CHD8: variants seen among roughly 807,000 people sequenced by gnomAD.
CHD8 encodes ATP-dependent chromatin remodeler CHD8.
CHD8 carries 31 observed loss-of-function variants against 279.2 expected under a neutral mutation model. That is an observed-to-expected ratio of 0.11 (90% CI 0.08 to 0.15). CHD8 has a LOEUF of 0.15. Among genes scored for constraint, CHD8 ranks in the 10% least tolerant of loss-of-function variants. The pLI, the probability that CHD8 is intolerant of heterozygous loss-of-function variation, is 1.00. For synonymous variants in CHD8, 1,081 were observed against 1,139.6 expected (o/e 0.95, Z 1.04); for missense variants, 2,146 against 3,230.5 (o/e 0.66, Z 8.14).
chr14:21,446,319 T>TC (rs202209075), intron 1 of CHD8, among the ~76,000 whole-genome samples: 42 of 147,532 alleles, frequency 2.8e-4, no homozygotes, highest in East Asian at 7.8e-4. Flanking sequence ...TTCTTCTTCT[T>TC]TTTTTTTTTT....
In CHD8 at chr14:21,385,852, G is replaced by C. The variant is rs1255694014; in HGVS notation, c.7507C>G (p.His2503Asp). Residue 2503 changes from histidine (H) to aspartate (D), a missense_variant, in exon 38 of 38, where the codon CAT becomes GAT. Around this residue, in one of 26 missense-constraint regions of CHD8, gnomAD observed 336 missense variants for 392.9 expected, o/e 0.86. Coordinates refer to ENST00000646647, the MANE Select transcript of CHD8 (RefSeq NM_001170629.2). ...AAGCCTGGATGGTGATGGTGGTGAT[G>C]GTGGGGGTGGGGGTGGTGGTGGTGG... ...HHHHHHPHPH[H>D]HHHHHPGLRA... 1 of 1,545,852 alleles carries C rather than the reference G, an allele frequency of 6.5e-7. No homozygotes were observed. The highest frequency in any genetic ancestry group is 1.4e-5 in the African/African-American group (1 of 72,742).
chr14:21,428,120 G>A lies in CHD8; in HGVS notation c.1350C>T (p.Arg450=). 1.2e-6 allele frequency: 2 copies of A among 1,613,988 alleles called. No individual in the cohort carries two copies. The highest frequency in any genetic ancestry group is 8.5e-7 in the Non-Finnish European group (1 of 1,179,902). The change falls in exon 4 of 38, where the codon CGC becomes CGT. Residue 450 remains arginine, a synonymous_variant. Transcript: ENST00000646647. The part of the protein sequence containing the change: ...SGGKTGMEEN[R]RLEHQKKQEK... ...CTTGCTTCTTCTGGTGTTCCAATCTGCGGTTTTCCTCCATTCCTGTCTTTC... is the reference window on the plus strand; with the variant it reads ...CTTGCTTCTTCTGGTGTTCCAATCTACGGTTTTCCTCCATTCCTGTCTTTC...
chr14:21,413,584 G>A (rs867818307), intron 9 of CHD8: 32 of 153,022 alleles, frequency 2.1e-4, no homozygotes, highest in African/African-American at 7.2e-4. Context: ...TAGTAGAGAC[G>A]GGGTTTCACC....
intron 1 of CHD8, among the ~76,000 whole-genome samples, chr14:21,438,512 T>TAAAAAAAAA (rs559681631): frequency 8.9e-6 from 1 of 112,498 alleles, no homozygotes; most frequent in South Asian, 3.1e-4. Flanking sequence ...CCTAGTCTCT[T>TAAAAAAAAA]AAAAAAAAAA....
Position 21,431,565 on chromosome 14 carries a change from G to C in CHD8, c.79C>G (p.Gln27Glu). The C allele has an allele frequency of 6.5e-7, 1 of 1,537,166 alleles. No individual in the cohort carries two copies. Among genetic ancestry groups the C allele is most frequent in the Non-Finnish European group, 8.7e-7 (1 of 1,146,886 alleles). ...LDSLTDDSFN[Q>E]VTQDPIEEAL... ...TCCTCAATGGGGTCTTGTGTGACCT[G>C]GTTAAAGCTGTCATCAGTCAGAGAG... The change falls in exon 2 of 38, where the codon CAG becomes GAG. Residue 27 changes from glutamine to glutamate, a missense_variant. Gln to Glu is a conservative substitution (Grantham distance 29). Transcript: ENST00000646647.
intron 1 of CHD8, among the ~76,000 whole-genome samples, chr14:21,454,162 A>AAAAGAAAAGAAAAGAAAAG (rs1461404835): frequency 6.3e-5 from 8 of 127,016 alleles, no homozygotes; most frequent in Non-Finnish European, 9.8e-5. Context: ...CGTCTCAAAA[A>AAAAGAAAAGAAAAGAAAAG]AAAAGAAAAG....
rs1293768092 is a variant in CHD8 at position 21,442,655 on chromosome 14, G to GGAGGA, written c.-215-10802_-215-10798dup. Among the ~76,000 whole-genome samples, 15 of 124,784 alleles carry GGAGGA rather than the reference G, an allele frequency of 1.2e-4. No individual in the cohort carries two copies. In the East Asian group the frequency reaches 2.7e-3, roughly 23 times the overall value. 81.9% of individuals were successfully genotyped at this position (124,784 alleles called of 152,430 possible). The stretch of plus-strand genomic sequence containing the variant: ...AAGAGAAAGGGGAGGAGAGGAGAGG[G>GGAGGA]GAGGAGAGGAGAGGGGAGGAGAGGA... On this transcript the variant is annotated intron_variant, in intron 1 of 37. Transcript: ENST00000646647.
At chr14:21,420,210 C>T (rs1413191070) in intron 5 of CHD8, among the ~76,000 whole-genome samples, 2 of 152,226 alleles carry the variant, frequency 1.3e-5, no homozygotes. Flanking sequence ...GTGACCCCTG[C>T]CAGCACACCC....
Position 21,391,522 on chromosome 14 carries a change from C to G in CHD8, c.7006G>C (p.Glu2336Gln). The part of the protein sequence containing the change: ...LVGEDAPRRA[E>Q]LEMWLQGHPE... ...TGACCCTGTAACCACATCTCCAGTT[C>G]AGCCCGGCGAGGGGCATCCTCACCC... is the stretch of plus-strand genomic sequence containing the variant. The change falls in exon 36 of 38, where the codon GAA becomes CAA. Residue 2336 changes from glutamate (E) to glutamine (Q), a missense_variant. By Grantham distance (29) the Glu-to-Gln change is conservative. This residue lies in a region of CHD8 where 336 missense variants were observed against 392.9 expected (regional missense o/e 0.86). Transcript: ENST00000646647. The G allele has an allele frequency of 6.2e-7, 1 of 1,613,912 alleles. No individual in the cohort carries two copies. Among genetic ancestry groups the G allele is most frequent in the Non-Finnish European group, 8.5e-7 (1 of 1,179,852 alleles).
intron 5 of CHD8, among the ~76,000 whole-genome samples, chr14:21,422,848 G>A (rs1483407883): frequency 1.3e-5 from 2 of 152,116 alleles, no homozygotes; most frequent in African/African-American, 2.4e-5. Flanking sequence ...AAAATTGCTC[G>A]AACCTGGGAG....
At chr14:21,443,372 C>G (rs1890033016) in intron 1 of CHD8, among the ~76,000 whole-genome samples, 1 of 151,876 alleles carries the variant, frequency 6.6e-6, no homozygotes, top group South Asian at 2.1e-4. Context: ...GCCTGGGTGA[C>G]AGACTGAAAA....
At position 21,431,255 on chromosome 14, in the gene CHD8, C is replaced by T. The variant is rs571580819; in HGVS notation, c.389G>A (p.Ser130Asn). Residue 130 changes from serine (S) to asparagine (N), a missense_variant, in exon 2 of 38, where the codon AGC becomes AAC. Coordinates refer to ENST00000646647, the MANE Select transcript of CHD8 (RefSeq NM_001170629.2). Reference sequence around the variant, plus strand: ...GACACCCATGAAAGGATTCCCTTGGCTCAGGATCTCCTGGCTCTTGGAGAC... The same window carrying T: ...GACACCCATGAAAGGATTCCCTTGGTTCAGGATCTCCTGGCTCTTGGAGAC... ...LQVSKSQEIL[S>N]QGNPFMGVSA... The T allele has an allele frequency of 6.3e-7, 1 of 1,595,780 alleles. No individual in the cohort carries two copies. Among genetic ancestry groups the T allele is most frequent in the Middle Eastern group, 1.7e-4 (1 of 6,052 alleles).
At position 21,405,973 on chromosome 14, in the gene CHD8, A is replaced by G. The variant is rs1888237541; in HGVS notation, c.2908-109T>C. 9 of 814,368 alleles carry G rather than the reference A, an allele frequency of 1.1e-5. No homozygotes were observed. The East Asian group carries it at 1.4e-4, about 13-fold the overall frequency. 50.4% of individuals were successfully genotyped at this position (814,368 alleles called of 1,614,324 possible). On this transcript the variant is annotated intron_variant, in intron 14 of 37. Coordinates refer to ENST00000646647, the MANE Select transcript of CHD8 (RefSeq NM_001170629.2). This position sits in a 1 kb window ranked among gnomAD's most constrained non-coding sequence, Gnocchi z 4.2. ...TATATAACCTTTAATTTCTTTATCTATAAAATGATGAGAATGGACCAGTGA... is the reference window on the plus strand; with the variant it reads ...TATATAACCTTTAATTTCTTTATCTGTAAAATGATGAGAATGGACCAGTGA...
At chr14:21,452,557 T>C (rs150381760) in intron 1 of CHD8, among the ~76,000 whole-genome samples, 2 of 151,212 alleles carry the variant, frequency 1.3e-5, no homozygotes, top group African/African-American at 4.9e-5. Context: ...AGCAGGAGAA[T>C]CACTTGAACC....
At chr14:21,437,107 C>T (rs889542069) in intron 1 of CHD8, 3 of 863,068 alleles carry the variant, frequency 3.5e-6, no homozygotes, top group Admixed American at 2.5e-5. Context: ...AATGTTAGGG[C>T]GGAAGCTGCA....
intron 25 of CHD8, 69 bp downstream of exon 25, chr14:21,399,912 G>A (rs529710295): frequency 7.5e-7 from 1 of 1,327,684 alleles, no homozygotes; most frequent in Non-Finnish European, 1.1e-6. Context: ...AGCATAAAAT[G>A]AAATAAGCAA....
chr14:21,412,103 ATAAAC>A (rs1300419670), intron 10 of CHD8, among the ~76,000 whole-genome samples: 2 of 152,122 alleles, frequency 1.3e-5, no homozygotes, highest in Non-Finnish European at 2.9e-5. Context: ...AAAGAGAAAA[ATAAAC>A]TAATTAAAAT....
chr14:21,414,878 G>A, intron 8 of CHD8, 60 bp downstream of exon 8: 1 of 1,304,404 alleles, frequency 7.7e-7, no homozygotes, highest in Non-Finnish European at 1.1e-6. Flanking sequence ...GGATACCCAG[G>A]AGAACTTTTT....
chr14:21,385,880 A>G lies in CHD8; in HGVS notation c.7479T>C (p.His2493=). The G allele has an allele frequency of 6.4e-7, 1 of 1,550,808 alleles. No individual in the cohort carries two copies. The highest frequency in any genetic ancestry group is 8.7e-7 in the Non-Finnish European group (1 of 1,146,974). The change falls in exon 38 of 38, where the codon CAT becomes CAC. Residue 2493 remains histidine (H), a synonymous_variant. Transcript: ENST00000646647. ...SPHVDSSTML[H]HHHHHPHPHH... is the part of the protein sequence containing the mutation. ...GGGGGTGGGGGTGGTGGTGGTGGTGATGAAGCATGGTGCTGGAGTCTACAT... is the reference window on the plus strand; with the variant it reads ...GGGGGTGGGGGTGGTGGTGGTGGTGGTGAAGCATGGTGCTGGAGTCTACAT...
Sources: allele counts gnomAD v4.1 joint callset (sites outside exome capture counted in the v4.1 genomes callset), GRCh38; gene constraint gnomAD v4.1.1; regional missense constraint gnomAD v4.1.1; non-coding constraint Gnocchi (gnomAD v3.1); transcripts MANE v1.5; gene names NCBI Gene and HGNC (gene_info 2026-07-23, HGNC 2026-07-21).